Variants in RPS2 observed in about 807,000 individuals in gnomAD.
RPS2 encodes the protein ribosomal protein S2, also known as small ribosomal subunit protein uS5.
A neutral mutation model predicts 25.3 loss-of-function variants in RPS2; 8 were observed. The observed-to-expected ratio is 0.32, with a 90% CI of 0.19 to 0.57. The LOEUF is 0.57. RPS2 is among the 20% of genes least tolerant of loss of function. RPS2 has a pLI of 0.90. For missense variants in RPS2, 229 were observed against 408.1 expected, an observed-to-expected ratio of 0.56 and a Z score of 3.78; for synonymous variants, 181 against 161.3, an observed-to-expected ratio of 1.12 and a Z score of -0.92.
At chr16:1,963,025 C>A in intron 4 of RPS2, 116 bp from the exon 5 acceptor site, 1 of 1,377,766 alleles carries the variant, frequency 7.3e-7, no homozygotes. Flanking sequence ...CATCCGAGGT[C>A]CTGAGGAGAT....
At chr16:1,963,808 A>G (rs1490610125) in intron 3 of RPS2, 1 of 458,310 alleles carries the variant, frequency 2.2e-6, no homozygotes, top group Non-Finnish European at 4.4e-6. Context: ...TGCTTTGTCC[A>G]GCTTTGGCCT....
At chr16:1,964,412 G>A (rs750296695) in intron 2 of RPS2, 37 bp downstream of exon 2, 5 of 1,612,644 alleles carry the variant, frequency 3.1e-6, no homozygotes, top group South Asian at 2.2e-5. Flanking sequence ...CTCCGGCGCC[G>A]CCCAGGGGCC....
At chr16:1,963,413 C>G (rs1013896559) in intron 3 of RPS2, among the ~76,000 whole-genome samples, 157 bp from the exon 4 acceptor site, 2 of 149,578 alleles carry the variant, frequency 1.3e-5, no homozygotes, top group Non-Finnish European at 3.0e-5. Context: ...GTCAGGAGTC[C>G]GATACCAGCC....
chr16:1,962,720 C>G lies in RPS2; in HGVS notation c.549+16G>C, dbSNP rs747856469. On this transcript the variant is annotated intron_variant, in intron 5 of 6. Transcript: ENST00000343262. ...AGCCTGCCCCACGGCAGGCCCATCA[C>G]CTGCCACCAGCCTACCTTGCAAGGG... The G allele has an allele frequency of 6.3e-7, 1 of 1,593,596 alleles. No individual in the cohort carries two copies. Among genetic ancestry groups the G allele is most frequent in the South Asian group, 1.1e-5 (1 of 89,368 alleles).
intron 6 of RPS2, 69 bp from the exon 7 acceptor site, chr16:1,962,339 T>C: frequency 1.4e-6 from 2 of 1,473,986 alleles, no homozygotes; most frequent in South Asian, 1.1e-5. Flanking sequence ...CCAAAAATTG[T>C]CGCACTCCTA....
rs752175612 is a variant in RPS2, at chr16:1,962,489, C to A, written c.709+8G>T. The A allele has an allele frequency of 1.3e-5, 21 of 1,611,872 alleles. 1 individual carries two copies. In the South Asian group the frequency reaches 2.3e-4, roughly 18 times the overall value. On this transcript the variant is annotated splice_region_variant and intron_variant, in intron 6 of 6. Transcript: ENST00000343262. ...ACCATGGCTATGCCCCATGTGTGGA[C>A]CACCTACCGAAGTTGCCCAGGGTGG...
chr16:1,963,284 G>A, intron 3 of RPS2, 28 bp from the exon 4 acceptor site: 6 of 1,402,236 alleles, frequency 4.3e-6, no homozygotes, highest in South Asian at 1.3e-5. Flanking sequence ...ATTGTAGGGA[G>A]AGCATTAAAA....
At chr16:1,963,033 G>T (rs568700632) in intron 4 of RPS2, 116 bp downstream of exon 4, 2 of 1,368,552 alleles carry the variant, frequency 1.5e-6, no homozygotes, top group Non-Finnish European at 2.1e-6. Flanking sequence ...GTCCTGAGGA[G>T]ATCTTTTCTC....
Position 1,962,139 on chromosome 16 carries a change from A to C in RPS2, c.841T>G (p.Ser281Ala). Reference sequence around the variant, plus strand: ...GCTGGAGCCTGAGTCCGCTGCACGGAGACTCTGGTGTGGGTCTTGACGAGG... The same window carrying C: ...GCTGGAGCCTGAGTCCGCTGCACGGCGACTCTGGTGTGGGTCTTGACGAGG... ...DHLVKTHTRVSVQRTQAPAVA... is the reference protein window; with the variant it reads ...DHLVKTHTRVAVQRTQAPAVA... Residue 281 changes from serine (S) to alanine (A), a missense_variant, in exon 7 of 7, where the codon TCC (serine) becomes GCC (alanine). Ser to Ala is a moderately conservative substitution (Grantham distance 99, BLOSUM62 1). This residue lies in a region of RPS2 where 32 missense variants were observed against 29.4 expected (regional missense o/e 1.09). Transcript: ENST00000343262. 1 of 1,580,802 alleles carries C rather than the reference A, an allele frequency of 6.3e-7. No individual in the cohort carries two copies. Among genetic ancestry groups the C allele is most frequent in the Non-Finnish European group, 8.5e-7 (1 of 1,171,580 alleles).
chr16:1,964,726 T>C lies in RPS2; in HGVS notation c.-4+81A>G. ...AGGGCTCCCGCCCAGGAGCGCGGAC[T>C]CGGGAGCCTAGACCCGACCCGATGT... On this transcript the variant is annotated intron_variant, in intron 1 of 6. Coordinates refer to ENST00000343262, the MANE Select transcript of RPS2 (RefSeq NM_002952.4). 5 of 690,098 alleles carry C rather than the reference T, an allele frequency of 7.2e-6. No individual in the cohort carries two copies. In the South Asian group the frequency reaches 1.0e-4, roughly 14 times the overall value. The allele number at this position is 690,098 out of a possible 1,614,324, so 42.7% of individuals were successfully genotyped here. A position where few individuals can be genotyped will look rare whatever the true frequency, so the allele number is the denominator to read the frequency against.
At chr16:1,962,347 C>T (rs775431671) in intron 6 of RPS2, 77 bp from the exon 7 acceptor site, 8 of 1,444,442 alleles carry the variant, frequency 5.5e-6, no homozygotes, top group South Asian at 4.6e-5. Context: ...TGTCGCACTC[C>T]TAGGAACAGA....
At chr16:1,963,908 A>C (rs2083282628) in intron 3 of RPS2, 1 of 406,082 alleles carries the variant, frequency 2.5e-6, no homozygotes, top group South Asian at 1.8e-5. Flanking sequence ...GATGCAGATG[A>C]CAGCTGTCCC....
chr16:1,963,903 A>G, intron 3 of RPS2: 1 of 413,076 alleles, frequency 2.4e-6, no homozygotes, highest in South Asian at 1.8e-5. Flanking sequence ...CGCTGGATGC[A>G]GATGACAGCT....
intron 3 of RPS2, chr16:1,963,665 CG>C (rs548766049): frequency 1.4e-4 from 52 of 367,854 alleles, no homozygotes; most frequent in African/African-American, 3.4e-4. Flanking sequence ...GGCTTCCCCC[CG>C]ATCTGTCCCC....
intron 4 of RPS2, 82 bp from the exon 5 acceptor site, chr16:1,962,991 G>A (rs1342460385): frequency 7.3e-6 from 11 of 1,497,062 alleles, no homozygotes; most frequent in African/African-American, 4.1e-5. Flanking sequence ...CACCCCTCAA[G>A]GAAAGAGAGG....
chr16:1,964,175 G>A (rs1422803486), intron 3 of RPS2, 101 bp downstream of exon 3: 1 of 867,404 alleles, frequency 1.2e-6, no homozygotes, highest in Non-Finnish European at 1.9e-6. Flanking sequence ...GCGAGACGCT[G>A]GGCCCTTTAA....
intron 3 of RPS2, chr16:1,963,526 G>C (rs956653375): frequency 2.7e-5 from 10 of 376,042 alleles, no homozygotes; most frequent in African/African-American, 8.4e-5. Flanking sequence ...TGAGGCAGGA[G>C]AATCGCTTGA....
At chr16:1,963,814 G>A (rs756388151) in intron 3 of RPS2, 7 of 458,270 alleles carry the variant, frequency 1.5e-5, no homozygotes, top group Non-Finnish European at 1.7e-5. Context: ...GTCCAGCTTT[G>A]GCCTAGCCAT....
In RPS2 at chr16:1,962,150, T is replaced by C; in HGVS notation, c.830A>G (p.His277Arg). The C allele has an allele frequency of 6.3e-7, 1 of 1,591,836 alleles. No individual in the cohort carries two copies. Reference protein sequence around the residue: ...QEFTDHLVKTHTRVSVQRTQA... With the variant: ...QEFTDHLVKTRTRVSVQRTQA... ...AGTCCGCTGCACGGAGACTCTGGTG[T>C]GGGTCTTGACGAGGTGGTCAGTGAA... Residue 277 changes from histidine (H) to arginine (R), a missense_variant, in exon 7 of 7, where the codon CAC becomes CGC. By Grantham distance (29) the His-to-Arg change is conservative. Around this residue, in one of 7 missense-constraint regions of RPS2, gnomAD observed 32 missense variants for 29.4 expected, o/e 1.09. Coordinates refer to ENST00000343262, the MANE Select transcript of RPS2 (RefSeq NM_002952.4).
Sources: gnomAD v4.1 joint callset for allele counts (sites outside exome capture counted in the v4.1 genomes callset) on GRCh38, gnomAD v4.1.1 for gene constraint, gnomAD v4.1.1 regional missense constraint, MANE v1.5 for transcripts, NCBI Gene and HGNC (gene_info 2026-07-23, HGNC 2026-07-21) for gene names.